The following TMPRSS15 variants were observed in gnomAD, a reference collection of about 807,000 sequenced individuals.
The protein encoded by TMPRSS15 is transmembrane serine protease 15, also known as enteropeptidase.
In TMPRSS15, 128 loss-of-function variants were observed where a neutral mutation model predicts 125.3. The ratio of observed to expected loss-of-function variants is 1.02; its 90% CI spans 0.89 to 1.18. The LOEUF is 1.18. Among genes scored for constraint, TMPRSS15 ranks in the 50% most tolerant of loss-of-function variants. TMPRSS15 has a pLI of 0.00. For missense variants in TMPRSS15, 1,283 were observed against 1,212.7 expected, an observed-to-expected ratio of 1.06 and a Z score of -0.86; for synonymous variants, 446 against 423.2, an observed-to-expected ratio of 1.05 and a Z score of -0.66.
chr21:18,414,201 A>G (rs2076174677), intron 1 of TMPRSS15, among the ~76,000 whole-genome samples: 1 of 152,076 alleles, frequency 6.6e-6, no homozygotes, highest in African/African-American at 2.4e-5. Flanking sequence ...TTTTTTTAAG[A>G]TACACACCAC....
At chr21:18,339,588 G>T (rs1249799000) in intron 13 of TMPRSS15, among the ~76,000 whole-genome samples, 1 of 152,092 alleles carries the variant, frequency 6.6e-6, no homozygotes, top group Non-Finnish European at 1.5e-5. Context: ...GCGTTTGTGG[G>T]ATCAGATCCA....
At chr21:18,482,375 G>C (rs1284650217) in intron 1 of TMPRSS15, among the ~76,000 whole-genome samples, 1 of 151,146 alleles carries the variant, frequency 6.6e-6, no homozygotes, top group African/African-American at 2.4e-5. Flanking sequence ...AGACAATAGG[G>C]TATGGCGACT....
chr21:18,397,830 A>G lies in TMPRSS15; in HGVS notation c.344+49T>C, dbSNP rs767788200. On this transcript the variant is annotated intron_variant, in intron 3 of 24. Coordinates refer to ENST00000284885, the MANE Select transcript of TMPRSS15 (RefSeq NM_002772.3). ...TGATGCTATTTTACAAATATTAGCA[A>G]AAAAATCACTAATTTTCCATCAGTA... is the stretch of plus-strand genomic sequence containing the variant. 5.5e-6 allele frequency: 6 copies of G among 1,093,524 alleles called. No individual in the cohort carries two copies. In the African/African-American group the frequency reaches 9.6e-5, roughly 17 times the overall value. 67.7% of individuals were successfully genotyped at this position (1,093,524 alleles called of 1,614,324 possible). A position where few individuals can be genotyped will look rare whatever the true frequency, so the allele number is the denominator to read the frequency against.
At chr21:18,383,891 T>C in intron 3 of TMPRSS15, 113 bp from the exon 4 acceptor site, 1 of 1,250,318 alleles carries the variant, frequency 8.0e-7, no homozygotes, top group Non-Finnish European at 1.1e-6. Context: ...TTGCTAATTC[T>C]CATTATACCT....
rs754954612 is a variant in TMPRSS15 at position 18,269,262 on chromosome 21, C to CTGAT, written c.*703_*706dup. On this transcript the variant is annotated 3_prime_UTR_variant, in exon 25 of 25. Coordinates refer to ENST00000284885, the MANE Select transcript of TMPRSS15 (RefSeq NM_002772.3). ...CAATAGGTGCATTTCTTTGGTATGT[C>CTGAT]TGATTATTTTCTTGAGACTTAAAAA... The CTGAT allele has an allele frequency of 3.9e-5, 6 of 152,128 alleles. No individual in the cohort carries two copies. Among genetic ancestry groups the CTGAT allele is most frequent in the Non-Finnish European group, 7.4e-5 (5 of 68,024 alleles). The allele number at this position is 152,128 out of a possible 1,614,324, so 9.4% of individuals were successfully genotyped here.
chr21:18,270,028 G>A lies in TMPRSS15; in HGVS notation c.3001C>T (p.Pro1001Ser), dbSNP rs2074535307. The change falls in exon 25 of 25, where the codon CCC (proline) becomes TCC (serine). Residue 1001 changes from proline to serine, a missense_variant. By Grantham distance (74) the Pro-to-Ser change is moderately conservative. Coordinates refer to ENST00000284885, the MANE Select transcript of TMPRSS15 (RefSeq NM_002772.3). ...FGYKCALPNR[P>S]GVYARVSRFT... Reference sequence around the variant, plus strand: ...CTTGAGACCCTGGCATACACTCCGGGGCGATTAGGCAGGGCACACTTGTAT... The same window carrying A: ...CTTGAGACCCTGGCATACACTCCGGAGCGATTAGGCAGGGCACACTTGTAT... 2 of 1,613,738 alleles carry A rather than the reference G, an allele frequency of 1.2e-6. No homozygotes were observed. The highest frequency in any genetic ancestry group is 1.1e-5 in the South Asian group (1 of 91,080).
chr21:18,315,220 C>G lies in TMPRSS15; in HGVS notation c.1958G>C (p.Gly653Ala), dbSNP rs201326949. 4 of 1,613,772 alleles carry G rather than the reference C, an allele frequency of 2.5e-6. No individual in the cohort carries two copies. Among genetic ancestry groups the G allele is most frequent in the Admixed American group, 1.7e-5 (1 of 60,002 alleles). Residue 653 changes from glycine to alanine, a missense_variant, in exon 17 of 25, where the codon GGA becomes GCA. Gly to Ala is a moderately conservative substitution (Grantham distance 60, BLOSUM62 0). Coordinates refer to ENST00000284885, the MANE Select transcript of TMPRSS15 (RefSeq NM_002772.3). ...CKADHFQCKNGECVPLVNLCD... is the reference protein window; with the variant it reads ...CKADHFQCKNAECVPLVNLCD... ...GAGATTCACCAGTGGAACACACTCT[C>G]CATTTTTACATTGAAAATGGTCTGC...
chr21:18,272,327 T>G (rs772204304), intron 24 of TMPRSS15, among the ~76,000 whole-genome samples: 1 of 144,820 alleles, frequency 6.9e-6, no homozygotes, highest in Non-Finnish European at 1.5e-5. Flanking sequence ...TGATGTTGAG[T>G]TTTTTTTTCA....
At chr21:18,293,332 G>T (rs1452889381) in intron 21 of TMPRSS15, among the ~76,000 whole-genome samples, 1 of 152,098 alleles carries the variant, frequency 6.6e-6, no homozygotes, top group African/African-American at 2.4e-5. Context: ...CCTCGTCAAT[G>T]CCTGGTTCTT....
At chr21:18,358,148 C>T (rs184628547) in intron 8 of TMPRSS15, among the ~76,000 whole-genome samples, 3 of 151,718 alleles carry the variant, frequency 2.0e-5, no homozygotes, top group African/African-American at 7.2e-5. Flanking sequence ...TTGCTGATAC[C>T]CTAACCATGT....
intron 3 of TMPRSS15, among the ~76,000 whole-genome samples, chr21:18,388,339 A>G (rs1194369083): frequency 6.6e-6 from 1 of 152,152 alleles, no homozygotes; most frequent in African/African-American, 2.4e-5. Context: ...TTACAGTTTC[A>G]TATGTGGTGA....
At chr21:18,452,885 G>T (rs1018935252) in intron 1 of TMPRSS15, among the ~76,000 whole-genome samples, 40 of 152,234 alleles carry the variant, frequency 2.6e-4, no homozygotes, top group African/African-American at 7.2e-4. Context: ...CAAAACCAAG[G>T]TAATAGGCAT....
chr21:18,413,637 C>T (rs577213374), intron 1 of TMPRSS15, among the ~76,000 whole-genome samples: 67 of 149,702 alleles, frequency 4.5e-4, no homozygotes, highest in African/African-American at 1.6e-3. Flanking sequence ...ACCATCCTGG[C>T]CAGGCTGGTC....
intron 1 of TMPRSS15, among the ~76,000 whole-genome samples, chr21:18,417,743 C>T (rs545557176): frequency 1.3e-5 from 2 of 152,222 alleles, no homozygotes; most frequent in South Asian, 2.1e-4. Flanking sequence ...GCTAATCTTG[C>T]TCAATGTGAA....
intron 23 of TMPRSS15, 47 bp from the exon 24 acceptor site, chr21:18,275,383 T>C (rs780900202): frequency 3.7e-6 from 6 of 1,610,270 alleles, no homozygotes; most frequent in Non-Finnish European, 5.1e-6. Context: ...GTGATCAACA[T>C]GCATCCTTGA....
At chr21:18,480,040 A>G (rs1345086466) in intron 1 of TMPRSS15, among the ~76,000 whole-genome samples, 1 of 152,062 alleles carries the variant, frequency 6.6e-6, no homozygotes, top group African/African-American at 2.4e-5. Context: ...CATGTACACC[A>G]TGGAATACTA....
chr21:18,296,183 A>G (rs2074905836), intron 19 of TMPRSS15, among the ~76,000 whole-genome samples: 1 of 152,152 alleles, frequency 6.6e-6, no homozygotes, highest in South Asian at 2.1e-4. Context: ...GAATCAGCAT[A>G]TAGGTCAGTA....
At chr21:18,395,750 A>G (rs1423329338) in intron 3 of TMPRSS15, among the ~76,000 whole-genome samples, 2 of 152,236 alleles carry the variant, frequency 1.3e-5, no homozygotes, top group African/African-American at 4.8e-5. Flanking sequence ...TCAATGGACA[A>G]TGTAGACAAG....
intron 1 of TMPRSS15, among the ~76,000 whole-genome samples, chr21:18,438,736 C>T (rs2076234928): frequency 1.3e-5 from 2 of 152,116 alleles, no homozygotes; most frequent in Non-Finnish European, 2.9e-5. Context: ...TGATAACAAA[C>T]AATAATCTAT....
Sources: allele counts gnomAD v4.1 joint callset (sites outside exome capture counted in the v4.1 genomes callset), GRCh38; gene constraint gnomAD v4.1.1; transcripts MANE v1.5; gene names NCBI Gene and HGNC (gene_info 2026-07-23, HGNC 2026-07-21).